Variants in KIF5A observed in about 807,000 individuals in gnomAD.
The protein encoded by KIF5A is kinesin family member 5A, also known as kinesin heavy chain isoform 5A.
In KIF5A, 35 loss-of-function variants were observed where a neutral mutation model predicts 141.3. That is an observed-to-expected ratio of 0.25 (90% CI 0.19 to 0.33). The LOEUF is 0.33. Among genes scored for constraint, KIF5A ranks in the 10% least tolerant of loss-of-function variants. The pLI, the probability that KIF5A is intolerant of heterozygous loss-of-function variation, is 1.00. For missense variants in KIF5A, 861 were observed against 1,314.3 expected (o/e 0.66, Z 5.33); for synonymous variants, 448 against 500.2 (o/e 0.90, Z 1.39).
In KIF5A at chr12:57,576,405, C is replaced by T. The variant is rs749294122; in HGVS notation, c.2198+27C>T. 4 of 1,565,270 alleles carry T rather than the reference C, an allele frequency of 2.6e-6. No individual in the cohort carries two copies. The South Asian group carries it at 4.5e-5, about 17-fold the overall frequency. ...TAAGGGTTCCCAAGGGCGACTCCAG[C>T]CCCTCCCGGGTCCTGTCACCTTGCT... On this transcript the variant is annotated intron_variant, in intron 19 of 28. Transcript: ENST00000455537.
chr12:57,580,898 T>A, intron 23 of KIF5A, 58 bp from the exon 24 acceptor site: 1 of 1,543,084 alleles, frequency 6.5e-7, no homozygotes, highest in South Asian at 1.1e-5. Context: ...CTCCTCTGGG[T>A]GACCGTCTTG....
Position 57,564,987 on chromosome 12 carries a change from T to TG in KIF5A, c.501+18dup. The TG allele has an allele frequency of 1.2e-6, 2 of 1,612,960 alleles. No individual in the cohort carries two copies. The highest frequency in any genetic ancestry group is 1.7e-6 in the Non-Finnish European group (2 of 1,178,964). ...CCATTTGTCAAGGTGAGAGTGGGTG[T>TG]GGGGCACCTATGTGGGGCCAGTGTA... On this transcript the variant is annotated intron_variant, in intron 6 of 28. Coordinates refer to ENST00000455537, the MANE Select transcript of KIF5A (RefSeq NM_004984.4).
intron 17 of KIF5A, 82 bp downstream of exon 17, chr12:57,575,839 C>T (rs1255637201): frequency 8.4e-6 from 9 of 1,071,106 alleles, no homozygotes; most frequent in African/African-American, 6.2e-5. Flanking sequence ...AATAATCACT[C>T]ACTCAAAGCA....
At position 57,550,091 on chromosome 12, in the gene KIF5A, C is replaced by T. The variant is rs566707896; in HGVS notation, c.-181C>T. 389 of 741,184 alleles carry T rather than the reference C, an allele frequency of 5.2e-4. No homozygotes were observed. The African/African-American group carries it at 5.6e-3, about 11-fold the overall frequency. 45.9% of individuals were successfully genotyped at this position (741,184 alleles called of 1,614,324 possible). On this transcript the variant is annotated 5_prime_UTR_variant, in exon 1 of 29. Coordinates refer to ENST00000455537, the MANE Select transcript of KIF5A (RefSeq NM_004984.4). This position sits in a 1 kb window ranked among gnomAD's most constrained non-coding sequence, Gnocchi z 4.6. ...GCCCAGGTCGCCCGCATCCCGCTGC[C>T]GCAGGAGAGAGACAGCGCGCCCCGG...
At position 57,572,150 on chromosome 12, in the gene KIF5A, G is replaced by A; in HGVS notation, c.1452G>A (p.Val484=). 2 of 1,614,178 alleles carry A rather than the reference G, an allele frequency of 1.2e-6. No individual in the cohort carries two copies. The highest frequency in any genetic ancestry group is 1.7e-6 in the Non-Finnish European group (2 of 1,180,016). Residue 484 remains valine, a synonymous_variant, in exon 14 of 29, where the codon GTG becomes GTA. Coordinates refer to ENST00000455537, the MANE Select transcript of KIF5A (RefSeq NM_004984.4). This position sits in a 1 kb window ranked among gnomAD's most constrained non-coding sequence, Gnocchi z 4.2. The part of the protein sequence containing the change: ...QSENDAAKDE[V]KEVLQALEEL... ...AGAACGATGCCGCTAAGGATGAGGTGAAGGAAGTGCTGCAGGCCCTGGAGG... is the reference window on the plus strand; with the variant it reads ...AGAACGATGCCGCTAAGGATGAGGTAAAGGAAGTGCTGCAGGCCCTGGAGG...
At position 57,564,103 on chromosome 12, in the gene KIF5A, G is replaced by T. The variant is rs201917057; in HGVS notation, c.292-5G>T. 8.1e-6 allele frequency: 13 copies of T among 1,610,614 alleles called. No individual in the cohort carries two copies. The highest frequency in any genetic ancestry group is 3.3e-5 in the Admixed American group (2 of 59,966). On this transcript the variant is annotated splice_region_variant and splice_polypyrimidine_tract_variant and intron_variant, in intron 3 of 28. Coordinates refer to ENST00000455537, the MANE Select transcript of KIF5A (RefSeq NM_004984.4). ...GCTTCACTCTCAAATACCTTCACTC[G>T]CCAGGGAAAGCTGCACGACCCTCAG...
At chr12:57,551,456 A>T (rs1881570341) in intron 1 of KIF5A, among the ~76,000 whole-genome samples, 1 of 152,010 alleles carries the variant, frequency 6.6e-6, no homozygotes, top group Non-Finnish European at 1.5e-5. Context: ...CTGCACCTTT[A>T]TCTGTAATGG....
In KIF5A at chr12:57,581,508, T is replaced by C. The variant is rs749151018; in HGVS notation, c.2849T>C (p.Leu950Pro). ...GAGTGCATCAGTTACACCAACAGCC[T>C]CTTCCAGAACTACCAGAATCTCTAC... Reference protein sequence around the residue: ...SPECISYTNSLFQNYQNLYLQ... With the variant: ...SPECISYTNSPFQNYQNLYLQ... The change falls in exon 25 of 29, where the codon CTC becomes CCC. Residue 950 changes from leucine (L) to proline (P), a missense_variant. This residue lies in a region of KIF5A where 482 missense variants were observed against 661.3 expected (regional missense o/e 0.73). Coordinates refer to ENST00000455537, the MANE Select transcript of KIF5A (RefSeq NM_004984.4). 2 of 1,613,998 alleles carry C rather than the reference T, an allele frequency of 1.2e-6. No individual in the cohort carries two copies. Among genetic ancestry groups the C allele is most frequent in the South Asian group, 2.2e-5 (2 of 91,066 alleles).
intron 12 of KIF5A, 47 bp from the exon 13 acceptor site, chr12:57,571,274 G>A (rs1224905420): frequency 8.7e-7 from 1 of 1,153,882 alleles, no homozygotes. Flanking sequence ...GTCTAAACTG[G>A]AAGGAGTAGC....
At chr12:57,583,560 G>A (rs1052753579) in intron 28 of KIF5A, among the ~76,000 whole-genome samples, 7 of 152,210 alleles carry the variant, frequency 4.6e-5, no homozygotes, top group African/African-American at 1.7e-4. Context: ...TCTATCAGGA[G>A]ACCCTAGGGG....
At chr12:57,552,533 G>C (rs925218401) in intron 1 of KIF5A, among the ~76,000 whole-genome samples, 1 of 145,832 alleles carries the variant, frequency 6.9e-6, no homozygotes, top group Non-Finnish European at 1.6e-5. Flanking sequence ...AAATGCTTAC[G>C]GGGGGGCCAT....
intron 1 of KIF5A, among the ~76,000 whole-genome samples, chr12:57,556,000 G>A (rs1295183248): frequency 1.3e-5 from 2 of 151,692 alleles, no homozygotes; most frequent in East Asian, 3.9e-4. Flanking sequence ...GACATAAAGA[G>A]CCAGGCTTGG....
intron 1 of KIF5A, among the ~76,000 whole-genome samples, chr12:57,555,425 A>G (rs1014309514): frequency 6.6e-6 from 1 of 152,140 alleles, no homozygotes; most frequent in Admixed American, 6.6e-5. Flanking sequence ...TAGAAAATTA[A>G]AAGAAATGTA....
At position 57,562,865 on chromosome 12, in the gene KIF5A, G is replaced by A. The variant is rs1210410886; in HGVS notation, c.130-574G>A. Among the ~76,000 whole-genome samples, 3 of 152,020 alleles carry A rather than the reference G, an allele frequency of 2.0e-5. No individual in the cohort carries two copies. The East Asian group carries it at 5.8e-4, about 29-fold the overall frequency. ...CATCTGGTTTCCCAGGGAGGAGTTT[G>A]GGGTAGTGGAGTGCTCAATCATCAC... On this transcript the variant is annotated intron_variant, in intron 1 of 28. Transcript: ENST00000455537.
Position 57,581,010 on chromosome 12 carries a change from C to T in KIF5A, c.2593C>T (p.Leu865Phe). 6.2e-7 allele frequency: 1 copy of T among 1,614,128 alleles called. No homozygotes were observed. Among genetic ancestry groups the T allele is most frequent in the Non-Finnish European group, 8.5e-7 (1 of 1,180,032 alleles). ...TGAGCTTCCTAAATTGGAAAAACGA[C>T]TTAGGGCTACGGCTGAGAGAGTTAA... ...RCELPKLEKR[L>F]RATAERVKAL... is the part of the protein sequence containing the mutation. The change falls in exon 24 of 29, where the codon CTT becomes TTT. Residue 865 changes from leucine to phenylalanine, a missense_variant. Physicochemically the swap from Leu to Phe is conservative, Grantham distance 22 (BLOSUM62 0). Around this residue, in one of 5 missense-constraint regions of KIF5A, gnomAD observed 482 missense variants for 661.3 expected, o/e 0.73. Coordinates refer to ENST00000455537, the MANE Select transcript of KIF5A (RefSeq NM_004984.4).
intron 6 of KIF5A, 75 bp downstream of exon 6, chr12:57,565,048 G>T: frequency 7.3e-7 from 1 of 1,361,410 alleles, no homozygotes; most frequent in Non-Finnish European, 1.1e-6. Flanking sequence ...ATAGGTCAGT[G>T]ACCCTGAAGT....
In KIF5A at chr12:57,575,523, T is replaced by A. The variant is rs529224371; in HGVS notation, c.1906-117T>A. The A allele has an allele frequency of 5.4e-4, 531 of 976,028 alleles. 4 individuals carry two copies. In the South Asian group the frequency reaches 6.4e-3, roughly 12 times the overall value. The allele number at this position is 976,028 out of a possible 1,614,324, so 60.5% of individuals were successfully genotyped here. The stretch of plus-strand genomic sequence containing the variant: ...AGGAATGGCCCCCAACCCTGCACCC[T>A]CATGGGAAGTGTAGCAGGAGGGAGG... On this transcript the variant is annotated intron_variant, in intron 16 of 28. Coordinates refer to ENST00000455537, the MANE Select transcript of KIF5A (RefSeq NM_004984.4).
Position 57,576,142 on chromosome 12 carries a change from T to C in KIF5A, c.2079T>C (p.Asp693=), listed in dbSNP as rs756599532. 1.9e-6 allele frequency: 3 copies of C among 1,614,026 alleles called. No homozygotes were observed. Among genetic ancestry groups the C allele is most frequent in the Non-Finnish European group, 1.7e-6 (2 of 1,179,956 alleles). The part of the protein sequence containing the change: ...KDKEPDTQDA[D]EVKKALELQM... ...AGGAGCCTGACACTCAGGATGCAGA[T>C]GAAGTGAAGGTGAGTAAGGAAGGTG... The change falls in exon 18 of 29, where the codon GAT becomes GAC. Residue 693 remains aspartate (D), a synonymous_variant. Coordinates refer to ENST00000455537, the MANE Select transcript of KIF5A (RefSeq NM_004984.4).
chr12:57,577,277 A>G (rs1344416194), intron 20 of KIF5A, among the ~76,000 whole-genome samples: 3 of 152,212 alleles, frequency 2.0e-5, no homozygotes, highest in Admixed American at 2.0e-4. Context: ...ATTTTTGCAC[A>G]GTAAACATGA....
Sources: gnomAD v4.1 joint callset for allele counts (sites outside exome capture counted in the v4.1 genomes callset) on GRCh38, gnomAD v4.1.1 for gene constraint, gnomAD v4.1.1 regional missense constraint, Gnocchi (gnomAD v3.1) non-coding constraint, MANE v1.5 for transcripts, NCBI Gene and HGNC (gene_info 2026-07-23, HGNC 2026-07-21) for gene names.